Variants in NDST1 observed in about 807,000 individuals in gnomAD.
NDST1 encodes bifunctional heparan sulfate N-deacetylase/N-sulfotransferase 1.
NDST1 carries 35 observed loss-of-function variants against 92.8 expected under a neutral mutation model. The ratio of observed to expected loss-of-function variants is 0.38; its 90% CI spans 0.29 to 0.50. NDST1 has a LOEUF of 0.50. NDST1 is among the 20% of genes least tolerant of loss of function. The probability of loss-of-function intolerance (pLI) is 0.94; values close to 1 mark genes in which losing one functional copy is unlikely to be tolerated. For synonymous variants in NDST1, 493 were observed against 500.3 expected (o/e 0.99, Z 0.19); for missense variants, 822 against 1,182.7 (o/e 0.69, Z 4.47).
At chr5:150,544,179 TGTG>T (rs1755378076) in intron 10 of NDST1, among the ~76,000 whole-genome samples, 1 of 152,246 alleles carries the variant, frequency 6.6e-6, no homozygotes, top group Admixed American at 6.5e-5. Context: ...AGAAAGGTAA[TGTG>T]GTGCGAAACC....
intron 6 of NDST1, among the ~76,000 whole-genome samples, chr5:150,536,808 GCCCA>G (rs1280653477): frequency 6.6e-6 from 1 of 152,184 alleles, no homozygotes; most frequent in Admixed American, 6.5e-5. Flanking sequence ...CAGGGGATCT[GCCCA>G]CCTTGGCCTC....
At chr5:150,532,303 C>A (rs1483576131) in intron 3 of NDST1, among the ~76,000 whole-genome samples, 1 of 152,158 alleles carries the variant, frequency 6.6e-6, no homozygotes, top group South Asian at 2.1e-4. Flanking sequence ...ATTATCATCC[C>A]TGTTTTACAT....
chr5:150,535,865 T>C lies in NDST1; in HGVS notation c.1417T>C (p.Phe473Leu). The C allele has an allele frequency of 1.2e-6, 2 of 1,613,726 alleles. No homozygotes were observed. The highest frequency in any genetic ancestry group is 2.2e-5 in the South Asian group (2 of 91,018). The change falls in exon 6 of 15, where the codon TTC (phenylalanine) becomes CTC (leucine). Residue 473 changes from phenylalanine to leucine, a missense_variant. Physicochemically the swap from Phe to Leu is conservative, Grantham distance 22 (BLOSUM62 0). Transcript: ENST00000261797. ...HLKPARYRRGFIHNGIMVLPR... is the reference protein window; with the variant it reads ...HLKPARYRRGLIHNGIMVLPR... ...GAAGCCAGCCCGCTACCGCCGTGGC[T>C]TCATCCACAATGGCATCATGGTGAG...
At chr5:150,524,140 T>C (rs1269373744) in intron 2 of NDST1, among the ~76,000 whole-genome samples, 1 of 152,208 alleles carries the variant, frequency 6.6e-6, no homozygotes, top group Non-Finnish European at 1.5e-5. Flanking sequence ...CTCTGTCATT[T>C]AGAAACAGAG....
At position 150,532,940 on chromosome 5, in the gene NDST1, C is replaced by T. The variant is rs776044434; in HGVS notation, c.1009-5C>T. On this transcript the variant is annotated splice_region_variant and splice_polypyrimidine_tract_variant and intron_variant, in intron 3 of 14. Transcript: ENST00000261797. The stretch of plus-strand genomic sequence containing the variant: ...ACTCATTCCTTTCTCCCCTGCCTGT[C>T]CTAGGCCCTGTTTGACACACAGAAC... 6.2e-7 allele frequency: 1 copy of T among 1,613,970 alleles called. No individual in the cohort carries two copies. Among genetic ancestry groups the T allele is most frequent in the Non-Finnish European group, 8.5e-7 (1 of 1,179,918 alleles).
intron 3 of NDST1, among the ~76,000 whole-genome samples, chr5:150,532,525 C>CT (rs11366392): frequency 7.3e-5 from 11 of 150,774 alleles, no homozygotes; most frequent in South Asian, 2.1e-4. Context: ...TCTTGACATT[C>CT]TTTTTTTTTT....
Position 150,521,798 on chromosome 5 carries a change from C to A in NDST1, c.513+31C>A. On this transcript the variant is annotated intron_variant, in intron 2 of 14. Transcript: ENST00000261797. The surrounding 1 kb of genome is among the most constrained non-coding windows in gnomAD (Gnocchi z 5.9). ...CAAGAAGCAGGGTCCCCGAGCAGTTCAGAGCCCCCTCTGCAGCTCAGTGCC... is the reference window on the plus strand; with the variant it reads ...CAAGAAGCAGGGTCCCCGAGCAGTTAAGAGCCCCCTCTGCAGCTCAGTGCC... 2 of 1,609,808 alleles carry A rather than the reference C, an allele frequency of 1.2e-6. No homozygotes were observed. The highest frequency in any genetic ancestry group is 2.2e-5 in the South Asian group (2 of 90,910).
At chr5:150,528,407 G>A in intron 3 of NDST1, 109 bp downstream of exon 3, 1 of 1,297,960 alleles carries the variant, frequency 7.7e-7, no homozygotes, top group Non-Finnish European at 1.0e-6. Context: ...TATGCTGGGA[G>A]TTACTTAAAA....
chr5:150,547,779 G>A lies in NDST1; in HGVS notation c.2146-439G>A, dbSNP rs956348074. Among the ~76,000 whole-genome samples, 5 of 152,178 alleles carry A rather than the reference G, an allele frequency of 3.3e-5. No homozygotes were observed. The South Asian group carries it at 6.2e-4, about 19-fold the overall frequency. The stretch of plus-strand genomic sequence containing the variant: ...TGGCTCACTGCAACCTCCACCCCCC[G>A]AGTTTAAGCGATTCTCGTGCCTCAG... On this transcript the variant is annotated intron_variant, in intron 11 of 14. Coordinates refer to ENST00000261797, the MANE Select transcript of NDST1 (RefSeq NM_001543.5).
Position 150,530,810 on chromosome 5 carries a change from T to C in NDST1, c.1009-2135T>C, listed in dbSNP as rs116978935. Among the ~76,000 whole-genome samples, 35 of 152,320 alleles carry C rather than the reference T, an allele frequency of 2.3e-4. No individual in the cohort carries two copies. In the East Asian group the frequency reaches 6.7e-3, roughly 29 times the overall value. ...CCTGGAGTCAAGTGCTGCACCCACC[T>C]TGGCCTCCCAAAGTGCTGGGTTTAT... On this transcript the variant is annotated intron_variant, in intron 3 of 14. Coordinates refer to ENST00000261797, the MANE Select transcript of NDST1 (RefSeq NM_001543.5).
chr5:150,517,925 G>A (rs1352399433), intron 1 of NDST1, among the ~76,000 whole-genome samples: 3 of 152,248 alleles, frequency 2.0e-5, no homozygotes, highest in Non-Finnish European at 4.4e-5. Context: ...CCTATCCACT[G>A]TGCTTCTGTC....
chr5:150,521,286 G>C lies in NDST1; in HGVS notation c.32G>C (p.Cys11Ser). MPALACLRRLCRHVSPQAVLF... is the reference protein window; with the variant it reads MPALACLRRLSRHVSPQAVLF... The stretch of plus-strand genomic sequence containing the variant: ...GCCCTGGCATGCCTCCGGAGGCTGT[G>C]TCGGCACGTGTCCCCGCAGGCTGTC... The change falls in exon 2 of 15, where the codon TGT becomes TCT. Residue 11 changes from cysteine (C) to serine (S), a missense_variant. Coordinates refer to ENST00000261797, the MANE Select transcript of NDST1 (RefSeq NM_001543.5). This position sits in a 1 kb window ranked among gnomAD's most constrained non-coding sequence, Gnocchi z 5.9. 2 of 1,611,948 alleles carry C rather than the reference G, an allele frequency of 1.2e-6. No individual in the cohort carries two copies. Among genetic ancestry groups the C allele is most frequent in the Non-Finnish European group, 1.7e-6 (2 of 1,179,820 alleles).
chr5:150,520,887 AC>A lies in NDST1; in HGVS notation c.-367del. ...CCACAGCCTTAGCCCCGTGGGCCCC[AC>A]GGAGTGAGCGGCATGCAGCACCCCC... On this transcript the variant is annotated 5_prime_UTR_variant, in exon 2 of 15. Transcript: ENST00000261797. The A allele has an allele frequency of 2.1e-6, 1 of 479,824 alleles. No individual in the cohort carries two copies. The highest frequency in any genetic ancestry group is 3.7e-6 in the Non-Finnish European group (1 of 273,800). 29.7% of individuals were successfully genotyped at this position (479,824 alleles called of 1,614,324 possible).
intron 12 of NDST1, among the ~76,000 whole-genome samples, 186 bp downstream of exon 12, chr5:150,548,574 T>C (rs899761336): frequency 5.9e-5 from 9 of 152,212 alleles, no homozygotes; most frequent in Non-Finnish European, 1.0e-4. Context: ...TCTCACTCTG[T>C]TGCCCAGGCT....
upstream of NDST1, among the ~76,000 whole-genome samples, chr5:150,505,972 CT>C (rs1753435898): frequency 6.6e-6 from 1 of 152,016 alleles, no homozygotes; most frequent in Non-Finnish European, 1.5e-5. Flanking sequence ...TGTGACCAAA[CT>C]GAGGCCGAGA....
chr5:150,528,730 G>A (rs1754584944), intron 3 of NDST1, among the ~76,000 whole-genome samples: 1 of 152,204 alleles, frequency 6.6e-6, no homozygotes, highest in African/African-American at 2.4e-5. Context: ...AGGAGGTGGA[G>A]GTTGCAGTGA....
intron 6 of NDST1, among the ~76,000 whole-genome samples, 181 bp from the exon 7 acceptor site, chr5:150,539,047 G>A (rs1755121356): frequency 6.6e-6 from 1 of 152,228 alleles, no homozygotes; most frequent in Admixed American, 6.5e-5. Context: ...AAAATGGCAA[G>A]GGCCTGTAGT....
rs552267678 is a variant in NDST1 at position 150,499,559 on chromosome 5, C to T, written c.-388+1320C>T. Among the ~76,000 whole-genome samples, 19 of 152,306 alleles carry T rather than the reference C, an allele frequency of 1.2e-4. No homozygotes were observed. The South Asian group carries it at 2.5e-3, about 20-fold the overall frequency. Reference sequence around the variant, plus strand: ...TGGAGCATCATGCTTAGGCTCAGGACGGTTTCCCCAGTAGGAGCATAACAA... The same window carrying T: ...TGGAGCATCATGCTTAGGCTCAGGATGGTTTCCCCAGTAGGAGCATAACAA... On this transcript the variant is annotated intron_variant, in intron 1 of 1. Transcript: ENST00000518299.
intron 4 of NDST1, 107 bp from the exon 5 acceptor site, chr5:150,534,760 C>T (rs1754907923): frequency 1.5e-6 from 2 of 1,370,172 alleles, no homozygotes; most frequent in Non-Finnish European, 1.0e-6. Flanking sequence ...CTCTTCCAGG[C>T]AGCTCCTGGG....
Sources: allele counts gnomAD v4.1 joint callset (sites outside exome capture counted in the v4.1 genomes callset), GRCh38; gene constraint gnomAD v4.1.1; non-coding constraint Gnocchi (gnomAD v3.1); transcripts MANE v1.5; gene names NCBI Gene and HGNC (gene_info 2026-07-23, HGNC 2026-07-21).